MEGF9: variants seen among roughly 807,000 people sequenced by gnomAD.
MEGF9 encodes the protein multiple EGF like domains 9, also known as multiple epidermal growth factor-like domains protein 9.
Under a neutral mutation model 46.8 loss-of-function variants are expected in MEGF9, and 6 were observed. The observed-to-expected ratio is 0.13, with a 90% CI of 0.07 to 0.25. The LOEUF (loss-of-function observed/expected upper bound fraction) is 0.25, where lower values mean the gene tolerates loss of function less well. Ranked by LOEUF, MEGF9 falls within the 10% of genes least tolerant of loss-of-function variation. MEGF9 has a pLI of 1.00. For synonymous variants in MEGF9, 302 were observed against 330.7 expected (o/e 0.91, Z 0.94); for missense variants, 683 against 792.4 (o/e 0.86, Z 1.66).
At chr9:120,628,693 T>A (rs1440006442) in intron 2 of MEGF9, among the ~76,000 whole-genome samples, 2 of 152,134 alleles carry the variant, frequency 1.3e-5, no homozygotes, top group Non-Finnish European at 2.9e-5. Context: ...GACAGTGAGC[T>A]TACCTGATCT....
At chr9:120,636,534 A>T (rs2043575160) in intron 2 of MEGF9, among the ~76,000 whole-genome samples, 2 of 152,240 alleles carry the variant, frequency 1.3e-5, no homozygotes, top group South Asian at 4.1e-4. Context: ...ATAAAATTCA[A>T]AAATTTAAAA....
intron 2 of MEGF9, among the ~76,000 whole-genome samples, chr9:120,634,474 T>TTTA (rs1428323579): frequency 8.1e-6 from 1 of 123,088 alleles, no homozygotes; most frequent in African/African-American, 3.6e-5. Flanking sequence ...TTTTTTTTTT[T>TTTA]GAGACGGAGT....
intron 5 of MEGF9, among the ~76,000 whole-genome samples, chr9:120,607,355 A>C (rs1247819025): frequency 6.6e-6 from 1 of 152,256 alleles, no homozygotes; most frequent in Admixed American, 6.5e-5. Flanking sequence ...CCAGCTTCTC[A>C]GCTGGAACTT....
At chr9:120,673,366 A>G (rs531113934) in intron 1 of MEGF9, among the ~76,000 whole-genome samples, 23 of 152,284 alleles carry the variant, frequency 1.5e-4, no homozygotes, top group African/African-American at 5.1e-4. Flanking sequence ...AGAAACCTCA[A>G]TAGCCAAATA....
chr9:120,680,850 C>A (rs2043795877), intron 1 of MEGF9, among the ~76,000 whole-genome samples: 1 of 152,100 alleles, frequency 6.6e-6, no homozygotes, highest in Non-Finnish European at 1.5e-5. Context: ...TGTCGATGTT[C>A]ATTTAAGGCC....
Position 120,714,247 on chromosome 9 carries a change from C to A in MEGF9, c.112G>T (p.Ala38Ser). The A allele has an allele frequency of 8.2e-7, 1 of 1,225,944 alleles. No individual in the cohort carries two copies. Among genetic ancestry groups the A allele is most frequent in the Non-Finnish European group, 1.0e-6 (1 of 990,786 alleles). The allele number at this position is 1,225,944 out of a possible 1,614,324, so 75.9% of individuals were successfully genotyped here. A position where few individuals can be genotyped will look rare whatever the true frequency, so the allele number is the denominator to read the frequency against. ...CCGCCGCCACCGGTGACATTCCCCG[C>A]CGAGGCGGCTGAGGCGACGGCGGCG... ...AAAAVASAAS[A>S]GNVTGGGGAA... Residue 38 changes from alanine (A) to serine (S), a missense_variant, in exon 1 of 6, where the codon GCG becomes TCG. Ala to Ser is a moderately conservative substitution (Grantham distance 99). Around this residue, in one of 2 missense-constraint regions of MEGF9, gnomAD observed 370 missense variants for 371.3 expected, o/e 1.00. Coordinates refer to ENST00000373930, the MANE Select transcript of MEGF9 (RefSeq NM_001080497.3).
At chr9:120,644,489 A>T (rs1564419037) in intron 2 of MEGF9, among the ~76,000 whole-genome samples, 1 of 152,198 alleles carries the variant, frequency 6.6e-6, no homozygotes, top group Non-Finnish European at 1.5e-5. Context: ...AACTTAAAGG[A>T]TGGCTATCAG....
intron 2 of MEGF9, among the ~76,000 whole-genome samples, chr9:120,651,004 T>C (rs1462738096): frequency 1.3e-5 from 2 of 152,236 alleles, no homozygotes; most frequent in Non-Finnish European, 2.9e-5. Context: ...TTTTGTATTG[T>C]ATGTGTTTCA....
intron 1 of MEGF9, among the ~76,000 whole-genome samples, chr9:120,679,006 AACACTTTT>A (rs1305073782): frequency 6.6e-6 from 1 of 152,200 alleles, no homozygotes; most frequent in Non-Finnish European, 1.5e-5. Context: ...GAGAAATAGG[AACACTTTT>A]ACACTGTTGG....
intron 4 of MEGF9, among the ~76,000 whole-genome samples, chr9:120,611,611 G>C (rs1026071208): frequency 6.6e-6 from 1 of 152,040 alleles, no homozygotes; most frequent in African/African-American, 2.4e-5. Context: ...AATTGCTAAT[G>C]ATTATAGGAT....
intron 2 of MEGF9, among the ~76,000 whole-genome samples, chr9:120,651,590 G>T (rs994949021): frequency 6.6e-6 from 1 of 151,712 alleles, no homozygotes; most frequent in African/African-American, 2.4e-5. Flanking sequence ...TGCCTAGCAA[G>T]TATTCAGTTT....
chr9:120,621,014 G>C (rs1447190155), intron 3 of MEGF9, among the ~76,000 whole-genome samples: 1 of 152,082 alleles, frequency 6.6e-6, no homozygotes, highest in Non-Finnish European at 1.5e-5. Context: ...AGTGTGTCCT[G>C]ATTTTTTTTG....
intron 2 of MEGF9, among the ~76,000 whole-genome samples, chr9:120,638,781 T>C (rs1199247728): frequency 6.6e-6 from 1 of 152,220 alleles, no homozygotes; most frequent in Non-Finnish European, 1.5e-5. Flanking sequence ...TTACTGGCCA[T>C]TTGAGTTTCC....
At chr9:120,682,781 C>T (rs2043804520) in intron 1 of MEGF9, among the ~76,000 whole-genome samples, 3 of 152,142 alleles carry the variant, frequency 2.0e-5, no homozygotes, top group African/African-American at 7.2e-5. Context: ...CAGGATCTTG[C>T]TATGTTAACC....
Position 120,605,330 on chromosome 9 carries a change from C to T in MEGF9, c.1669G>A (p.Glu557Lys). ...TAGCTGCTGAAACTGATATTGTCTT[C>T]TTTCAGCTCGATGGTCCAAAAGGGG... ...NAPFWTIELKEDNISFSSYHD... is the reference protein window; with the variant it reads ...NAPFWTIELKKDNISFSSYHD... Residue 557 changes from glutamate to lysine, a missense_variant, in exon 6 of 6, where the codon GAA (glutamate) becomes AAA (lysine). Physicochemically the swap from Glu to Lys is moderately conservative, Grantham distance 56. This residue lies in a region of MEGF9 where 313 missense variants were observed against 421.1 expected (regional missense o/e 0.74). Transcript: ENST00000373930. This position sits in a 1 kb window ranked among gnomAD's most constrained non-coding sequence, Gnocchi z 4.0. 1 of 1,614,032 alleles carries T rather than the reference C, an allele frequency of 6.2e-7. No individual in the cohort carries two copies. Among genetic ancestry groups the T allele is most frequent in the Non-Finnish European group, 8.5e-7 (1 of 1,179,902 alleles).
intron 1 of MEGF9, among the ~76,000 whole-genome samples, chr9:120,678,274 G>A (rs750930883): frequency 8.5e-5 from 13 of 152,206 alleles, no homozygotes; most frequent in South Asian, 2.1e-4. Context: ...AATATTCCTC[G>A]ATATATGGAT....
intron 1 of MEGF9, among the ~76,000 whole-genome samples, chr9:120,661,121 T>C (rs1340949809): frequency 6.6e-6 from 1 of 152,254 alleles, no homozygotes; most frequent in African/African-American, 2.4e-5. Context: ...AATTCCCACT[T>C]GGCCAACTCT....
At chr9:120,661,592 G>C (rs1443859436) in intron 1 of MEGF9, among the ~76,000 whole-genome samples, 4 of 152,158 alleles carry the variant, frequency 2.6e-5, no homozygotes. Flanking sequence ...TTTCAAACTT[G>C]GGTGGTTCAC....
chr9:120,683,809 A>T (rs999007705), intron 1 of MEGF9, among the ~76,000 whole-genome samples: 1 of 152,020 alleles, frequency 6.6e-6, no homozygotes, highest in Non-Finnish European at 1.5e-5. Context: ...CAGAAGGATC[A>T]TCTAAGCCTG....
Sources: allele counts gnomAD v4.1 joint callset (sites outside exome capture counted in the v4.1 genomes callset), GRCh38; gene constraint gnomAD v4.1.1; regional missense constraint gnomAD v4.1.1; non-coding constraint Gnocchi (gnomAD v3.1); transcripts MANE v1.5; gene names NCBI Gene and HGNC (gene_info 2026-07-23, HGNC 2026-07-21).